The following WDR72 variants were observed in gnomAD, a reference collection of about 807,000 sequenced individuals.
The protein encoded by WDR72 is WD repeat domain 72.
WDR72 carries 120 observed loss-of-function variants against 124.2 expected under a neutral mutation model. That is an observed-to-expected ratio of 0.97 (90% CI 0.83 to 1.12). The LOEUF is 1.12. Among genes scored for constraint, WDR72 ranks in the 50% most tolerant of loss-of-function variants. The pLI is 0.00. For synonymous variants in WDR72, 452 were observed against 441.7 expected, an observed-to-expected ratio of 1.02 and a Z score of -0.29; for missense variants, 1,387 against 1,278.8, an observed-to-expected ratio of 1.08 and a Z score of -1.29.
intron 1 of WDR72, among the ~76,000 whole-genome samples, chr15:53,737,698 G>T (rs1291667213): frequency 6.6e-6 from 1 of 152,142 alleles, no homozygotes; most frequent in Non-Finnish European, 1.5e-5. Context: ...TAAATTAACT[G>T]TGACACGGAG....
intron 1 of WDR72, among the ~76,000 whole-genome samples, chr15:53,746,997 G>A (rs1233120428): frequency 6.6e-6 from 1 of 152,168 alleles, no homozygotes; most frequent in Non-Finnish European, 1.5e-5. Flanking sequence ...AGAACTCAAG[G>A]AAACTGAGGA....
intron 14 of WDR72, among the ~76,000 whole-genome samples, chr15:53,655,642 C>A (rs1255592526): frequency 6.6e-6 from 1 of 151,768 alleles, no homozygotes; most frequent in East Asian, 1.9e-4. Context: ...TATATAACGA[C>A]AAGAGACCTC....
chr15:53,756,346 C>T (rs531870164), intron 1 of WDR72, among the ~76,000 whole-genome samples: 2 of 152,292 alleles, frequency 1.3e-5, no homozygotes, highest in East Asian at 1.9e-4. Context: ...TCCCCAGCCA[C>T]GTGGAAATGT....
At chr15:53,716,804 A>C in intron 3 of WDR72, 119 bp from the exon 4 acceptor site, 1 of 742,228 alleles carries the variant, frequency 1.3e-6, no homozygotes, top group East Asian at 2.6e-5. Context: ...TTTGTTACAG[A>C]TTTTGGGCAA....
At chr15:53,684,953 T>G (rs1310663155) in intron 13 of WDR72, among the ~76,000 whole-genome samples, 2 of 152,298 alleles carry the variant, frequency 1.3e-5, no homozygotes, top group African/African-American at 4.8e-5. Context: ...AGGGGCACAC[T>G]GACACCTCAC....
Position 53,615,624 on chromosome 15 carries a change from T to G in WDR72, c.2582A>C (p.Asn861Thr). The G allele has an allele frequency of 6.2e-7, 1 of 1,612,660 alleles. No individual in the cohort carries two copies. Among genetic ancestry groups the G allele is most frequent in the Non-Finnish European group, 8.5e-7 (1 of 1,179,172 alleles). Residue 861 changes from asparagine (N) to threonine (T), a missense_variant, in exon 15 of 20, where the codon AAT becomes ACT. Physicochemically the swap from Asn to Thr is moderately conservative, Grantham distance 65. Transcript: ENST00000360509. ...GTCCAAAACTTTCCTGGAAAATAAA[T>G]TTACTCCTGAATAGTCTTTTATCAT... is the stretch of plus-strand genomic sequence containing the variant. ...SGMIKDYSGV[N>T]LFSRKVLDLS...
chr15:53,522,429 T>TTAAC lies in WDR72; in HGVS notation c.3253+785_3253+788dup, dbSNP rs1192800761. On this transcript the variant is annotated intron_variant, in intron 19 of 19. Transcript: ENST00000360509. Reference sequence around the variant, plus strand: ...CACAAATATTAAGTGGAGGAGATATTTAACTCTTTCATTCATGATAATAAG... The same window carrying TTAAC: ...CACAAATATTAAGTGGAGGAGATATTTAACTAACTCTTTCATTCATGATAATAAG... Among the ~76,000 whole-genome samples, 5 of 152,118 alleles carry TTAAC rather than the reference T, an allele frequency of 3.3e-5. No homozygotes were observed. In the East Asian group the frequency reaches 9.7e-4, roughly 30 times the overall value.
intron 17 of WDR72, among the ~76,000 whole-genome samples, chr15:53,599,020 AG>A (rs2012917335): frequency 6.6e-6 from 1 of 152,046 alleles, no homozygotes; most frequent in Non-Finnish European, 1.5e-5. Flanking sequence ...GCTACTCAGG[AG>A]GCTGAGACAG....
At position 53,514,733 on chromosome 15, in the gene WDR72, T is replaced by C. The variant is rs1430721998; in HGVS notation, c.*2966A>G. On this transcript the variant is annotated 3_prime_UTR_variant, in exon 20 of 20. Transcript: ENST00000360509. ...TTCTAACATTATACATTTTTCCTTA[T>C]ATTTGAAGTGTTTAATAGTGCTCAC... is the stretch of plus-strand genomic sequence containing the variant. The C allele has an allele frequency of 6.6e-6, 1 of 152,024 alleles. No individual in the cohort carries two copies. Among genetic ancestry groups the C allele is most frequent in the Non-Finnish European group, 1.5e-5 (1 of 67,998 alleles). The allele number at this position is 152,024 out of a possible 1,614,324, so 9.4% of individuals were successfully genotyped here. A position where few individuals can be genotyped will look rare whatever the true frequency, so the allele number is the denominator to read the frequency against.
chr15:53,713,411 G>GTATTTTATTTTATTTTGTTTCGTTT (rs1477955319), intron 6 of WDR72, among the ~76,000 whole-genome samples: 12 of 88,694 alleles, frequency 1.4e-4, no homozygotes, highest in African/African-American at 4.6e-4. Context: ...TTATTTTGTT[G>GTATTTTATTTTATTTTGTTTCGTTT]TATTTTATTT....
At chr15:53,744,178 C>T (rs930585491) in intron 1 of WDR72, among the ~76,000 whole-genome samples, 1 of 152,102 alleles carries the variant, frequency 6.6e-6, no homozygotes, top group Admixed American at 6.5e-5. Flanking sequence ...AGCATGCCAT[C>T]GTACATAATG....
intron 13 of WDR72, among the ~76,000 whole-genome samples, chr15:53,667,514 G>T (rs1424853542): frequency 6.6e-6 from 1 of 152,070 alleles, no homozygotes; most frequent in Non-Finnish European, 1.5e-5. Flanking sequence ...GAAGCTGACA[G>T]CAACATCAAG....
At chr15:53,587,567 G>C (rs182932201) in intron 18 of WDR72, among the ~76,000 whole-genome samples, 34 of 152,084 alleles carry the variant, frequency 2.2e-4, no homozygotes, top group African/African-American at 8.2e-4. Flanking sequence ...GATGTATGTA[G>C]GTAGGTTATA....
chr15:53,754,150 A>G (rs2018840975), intron 1 of WDR72, among the ~76,000 whole-genome samples: 1 of 152,138 alleles, frequency 6.6e-6, no homozygotes, highest in South Asian at 2.1e-4. Flanking sequence ...TAGACTAAAG[A>G]CTGTTTAGTC....
chr15:53,556,876 TA>T (rs1190090304), intron 18 of WDR72, among the ~76,000 whole-genome samples: 1 of 152,126 alleles, frequency 6.6e-6, no homozygotes, highest in East Asian at 1.9e-4. Context: ...ACTAATGTTA[TA>T]TAATCCATGT....
rs115061137 is a variant in WDR72 at position 53,750,557 on chromosome 15, T to C, written c.-13+9076A>G. Reference sequence around the variant, plus strand: ...AGTAATTTTGACTTTCAACTCTTACTATTTAAGCTATACATTTTGTGAGGC... The same window carrying C: ...AGTAATTTTGACTTTCAACTCTTACCATTTAAGCTATACATTTTGTGAGGC... On this transcript the variant is annotated intron_variant, in intron 1 of 19. Transcript: ENST00000360509. 2.9e-3 allele frequency among the ~76,000 whole-genome samples: 444 copies of C among 152,340 alleles called. 1 individual carries two copies. Among genetic ancestry groups the C allele is most frequent in the African/African-American group, 0.01 (417 of 41,586 alleles).
chr15:53,634,206 A>G (rs1054112997), intron 14 of WDR72, among the ~76,000 whole-genome samples: 1 of 152,234 alleles, frequency 6.6e-6, no homozygotes. Context: ...AGTCTCTGGA[A>G]GGTAGACAGA....
chr15:53,654,320 T>C (rs2015341555), intron 14 of WDR72, among the ~76,000 whole-genome samples: 1 of 152,212 alleles, frequency 6.6e-6, no homozygotes, highest in Non-Finnish European at 1.5e-5. Context: ...TCATGATTTG[T>C]CTGTGAATTA....
chr15:53,739,904 T>C (rs1221531119), intron 1 of WDR72, among the ~76,000 whole-genome samples: 20 of 152,274 alleles, frequency 1.3e-4, no homozygotes, highest in Non-Finnish European at 2.9e-5. Flanking sequence ...GTGTCATTTT[T>C]TAAACTTTAC....
Sources: gnomAD v4.1 joint callset for allele counts (sites outside exome capture counted in the v4.1 genomes callset) on GRCh38, gnomAD v4.1.1 for gene constraint, MANE v1.5 for transcripts, NCBI Gene and HGNC (gene_info 2026-07-23, HGNC 2026-07-21) for gene names.